EEF2: variants seen among roughly 807,000 people sequenced by gnomAD.
EEF2 encodes the protein elongation factor 2.
EEF2 carries 21 observed loss-of-function variants against 85.3 expected under a neutral mutation model. The ratio of observed to expected loss-of-function variants is 0.25; its 90% CI spans 0.17 to 0.35. EEF2 has a LOEUF of 0.35. EEF2 is among the 10% of genes least tolerant of loss of function. The pLI, the probability that EEF2 is intolerant of heterozygous loss-of-function variation, is 1.00. For synonymous variants in EEF2, 723 were observed against 508.8 expected, an observed-to-expected ratio of 1.42 and a Z score of -5.67; for missense variants, 825 against 1,225.3, an observed-to-expected ratio of 0.67 and a Z score of 4.88.
In EEF2 at chr19:3,982,978, A is replaced by G. The variant is rs1264862306; in HGVS notation, c.441T>C (p.Ile147=). The change falls in exon 4 of 15, where the codon ATT becomes ATC. Residue 147 remains isoleucine, a synonymous_variant. Coordinates refer to ENST00000309311, the MANE Select transcript of EEF2 (RefSeq NM_001961.4). ...TCAGCACAGGCTTGATGCGCTCGGC[A>G]ATGGCCTGCCGCAGCACTGTCTCCG... The part of the protein sequence containing the change: ...VQTETVLRQA[I]AERIKPVLMM... 6.2e-7 allele frequency: 1 copy of G among 1,612,656 alleles called. No individual in the cohort carries two copies. Among genetic ancestry groups the G allele is most frequent in the Middle Eastern group, 1.7e-4 (1 of 6,060 alleles).
In EEF2 at chr19:3,981,959, G is replaced by A. The variant is rs772524889; in HGVS notation, c.885C>T (p.Asp295=). 1.7e-5 allele frequency: 28 copies of A among 1,613,898 alleles called. 1 individual carries two copies. The highest frequency in any genetic ancestry group is 1.8e-5 in the Non-Finnish European group (21 of 1,179,940). ...LPRTFCQLIL[D]PIFKVFDAIM... ...AGCCCTCACTCACCTTGAAGATGGG[G>A]TCCAGGATCAGCTGGCAGAAGGTGC... The change falls in exon 6 of 15, where the codon GAC becomes GAT. Residue 295 remains aspartate (D), a synonymous_variant. Transcript: ENST00000309311.
chr19:3,983,386 A>G (rs2039779679), intron 2 of EEF2, 95 bp from the exon 3 acceptor site: 3 of 1,367,412 alleles, frequency 2.2e-6, no homozygotes, highest in Non-Finnish European at 2.0e-6. Context: ...TCCTCCCTCC[A>G]TGACTCATCC....
At position 3,980,636 on chromosome 19, in the gene EEF2, A is replaced by T; in HGVS notation, c.1224T>A (p.Gly408=). The change falls in exon 9 of 15, where the codon GGT becomes GGA. Residue 408 remains glycine (G), a synonymous_variant. Transcript: ENST00000309311. ...AGACTCGTCCAAAGGCGTAGAACCG[A>T]CCTTTGTCGGAGGTTGGCACCATTT... The part of the protein sequence containing the change: ...ISKMVPTSDK[G]RFYAFGRVFS... 1 of 1,614,102 alleles carries T rather than the reference A, an allele frequency of 6.2e-7. No individual in the cohort carries two copies. The highest frequency in any genetic ancestry group is 8.5e-7 in the Non-Finnish European group (1 of 1,180,020).
Position 3,977,560 on chromosome 19 carries a change from G to A in EEF2, c.2118C>T (p.Asp706=), listed in dbSNP as rs201245104. 4.6e-5 allele frequency: 72 copies of A among 1,572,774 alleles called. 2 individuals are homozygous for A. The highest frequency in any genetic ancestry group is 3.0e-4 in the African/African-American group (22 of 74,338). The change falls in exon 13 of 15, where the codon GAC becomes GAT. Residue 706 remains aspartate (D), a synonymous_variant. Coordinates refer to ENST00000309311, the MANE Select transcript of EEF2 (RefSeq NM_001961.4). The surrounding 1 kb of genome is among the most constrained non-coding windows in gnomAD (Gnocchi z 5.4). The stretch of plus-strand genomic sequence containing the variant: ...GGATGGCGTCGGCGTGCAGGGTGAC[G>A]TCGTGGACGTCGAAGCGCACACCCC... ...NMRGVRFDVH[D]VTLHADAIHR... is the part of the protein sequence containing the mutation.
rs1288346216 is a variant in EEF2, at chr19:3,981,374, C to T, written c.976G>A (p.Glu326Lys). Residue 326 changes from glutamate to lysine, a missense_variant, in exon 7 of 15, where the codon GAG becomes AAG. Glu to Lys is a moderately conservative substitution (Grantham distance 56). Transcript: ENST00000309311. ...GGTTTGCCTTCTTTGTCCTTGTCCT[C>T]GCTGTCCAGTTTGATGTCCAGTTTC... ...IEKLDIKLDS[E>K]DKDKEGKPLL... is the part of the protein sequence containing the mutation. 6.2e-7 allele frequency: 1 copy of T among 1,614,118 alleles called. No homozygotes were observed.
intron 10 of EEF2, 34 bp from the exon 11 acceptor site, chr19:3,979,470 G>A: frequency 6.3e-7 from 1 of 1,588,180 alleles, no homozygotes. Context: ...CAAAGGGGTA[G>A]GCGGCTCGGA....
rs1376984436 is a variant in EEF2, at chr19:3,976,644, G to A, written c.2487C>T (p.Ser829=). The stretch of plus-strand genomic sequence containing the variant: ...TCTCCGCCACCACCTGGCTGGGGCG[G>A]CTGCTGTTGTCGAAGGGGTCTCCGG... The part of the protein sequence containing the change: ...ILPGDPFDNS[S]RPSQVVAETR... The change falls in exon 15 of 15, where the codon AGC becomes AGT. Residue 829 remains serine (S), a synonymous_variant. Transcript: ENST00000309311. 6.2e-7 allele frequency: 1 copy of A among 1,609,940 alleles called. No homozygotes were observed. The highest frequency in any genetic ancestry group is 8.5e-7 in the Non-Finnish European group (1 of 1,178,726).
At chr19:3,982,452 CG>C in intron 4 of EEF2, 28 bp from the exon 5 acceptor site, 2 of 1,613,582 alleles carry the variant, frequency 1.2e-6, no homozygotes, top group Admixed American at 3.3e-5. Flanking sequence ...GAGAAGCAGC[CG>C]TGAGGGCCCC....
In EEF2 at chr19:3,977,179, G is replaced by C; in HGVS notation, c.2383+36C>G. On this transcript the variant is annotated intron_variant, in intron 14 of 14. Transcript: ENST00000309311. The surrounding 1 kb of genome is among the most constrained non-coding windows in gnomAD (Gnocchi z 5.4). ...GGGCTTCTGTCCCCCAAACCAGCCT[G>C]CCAGGCTCTGCAGGCCACACCGGGC... 1 of 1,602,932 alleles carries C rather than the reference G, an allele frequency of 6.2e-7. No individual in the cohort carries two copies. The highest frequency in any genetic ancestry group is 8.5e-7 in the Non-Finnish European group (1 of 1,173,116).
chr19:3,980,451 G>C, intron 9 of EEF2, 63 bp downstream of exon 9: 4 of 1,536,224 alleles, frequency 2.6e-6, no homozygotes, highest in Non-Finnish European at 2.6e-6. Flanking sequence ...AGGAGCCCAA[G>C]ACTTGGAGCA....
intron 2 of EEF2, 174 bp downstream of exon 2, chr19:3,983,962 C>A (rs2039788197): frequency 1.5e-6 from 1 of 686,070 alleles, no homozygotes; most frequent in East Asian, 2.8e-5. Flanking sequence ...TACCCCGAAT[C>A]CCTGTGCCTC....
Position 3,977,655 on chromosome 19 carries a change from G to A in EEF2, c.2068-45C>T. 2.7e-6 allele frequency: 4 copies of A among 1,479,108 alleles called. No individual in the cohort carries two copies. The highest frequency in any genetic ancestry group is 3.6e-6 in the Non-Finnish European group (4 of 1,120,786). 91.6% of individuals were successfully genotyped at this position (1,479,108 alleles called of 1,614,324 possible). The stretch of plus-strand genomic sequence containing the variant: ...ACCGTCAAGGGCCGGACACACCTCG[G>A]CTGCTTGCCCTCCACCTGCCAAGTC... On this transcript the variant is annotated intron_variant, in intron 12 of 14. Transcript: ENST00000309311. This position sits in a 1 kb window ranked among gnomAD's most constrained non-coding sequence, Gnocchi z 5.4.
intron 2 of EEF2, 116 bp from the exon 3 acceptor site, chr19:3,983,407 TCCCACAAGAGCCAACCCA>T (rs2039780040): frequency 1.7e-6 from 2 of 1,169,688 alleles, no homozygotes; most frequent in East Asian, 5.2e-5. Flanking sequence ...CTGGAGAGGC[TCCCACAAGAGCCAACCCA>T]CCCTTGTCCT....
chr19:3,980,147 G>A (rs2039727276), intron 9 of EEF2, 81 bp from the exon 10 acceptor site: 1 of 1,534,380 alleles, frequency 6.5e-7, no homozygotes, highest in African/African-American at 1.4e-5. Context: ...CCCTCCCGGA[G>A]TTGGTGGCCC....
rs200464725 is a variant in EEF2, at chr19:3,976,781, C to A, written c.2384-34G>T. ...GGAAGCGAGAGGCTCACTGGGCCAT[C>A]GAGAAGGTGGCAGGGCAGAAGGAAA... On this transcript the variant is annotated intron_variant, in intron 14 of 14. Transcript: ENST00000309311. The A allele has an allele frequency of 1.1e-4, 164 of 1,498,690 alleles. No homozygotes were observed. The African/African-American group carries it at 2.0e-3, about 18-fold the overall frequency. The allele number at this position is 1,498,690 out of a possible 1,614,324, so 92.8% of individuals were successfully genotyped here. A position where few individuals can be genotyped will look rare whatever the true frequency, so the allele number is the denominator to read the frequency against.
Position 3,979,386 on chromosome 19 carries a change from C to A in EEF2, c.1656G>T (p.Leu552=). The change falls in exon 11 of 15, where the codon CTG becomes CTT. Residue 552 remains leucine, a synonymous_variant. Coordinates refer to ENST00000309311, the MANE Select transcript of EEF2 (RefSeq NM_001961.4). ...GGTCCTTCAGGCAGATCTCCAGGTG[C>A]AGCTCGCCGGCGCCCGCGATGATAT... ...GEHIIAGAGE[L]HLEICLKDLE... The A allele has an allele frequency of 6.2e-7, 1 of 1,614,026 alleles. No individual in the cohort carries two copies. The highest frequency in any genetic ancestry group is 8.5e-7 in the Non-Finnish European group (1 of 1,180,034).
Position 3,979,398 on chromosome 19 carries a change from G to A in EEF2, c.1644C>T (p.Gly548=), listed in dbSNP as rs765869078. 2.4e-5 allele frequency: 39 copies of A among 1,613,772 alleles called. No homozygotes were observed. The highest frequency in any genetic ancestry group is 7.7e-5 in the South Asian group (7 of 91,084). ...IEESGEHIIA[G]AGELHLEICL... ...AGATCTCCAGGTGCAGCTCGCCGGC[G>A]CCCGCGATGATATGCTCTCCCGACT... The change falls in exon 11 of 15, where the codon GGC becomes GGT. Residue 548 remains glycine, a synonymous_variant. Coordinates refer to ENST00000309311, the MANE Select transcript of EEF2 (RefSeq NM_001961.4).
chr19:3,984,031 G>A (rs950702462), intron 2 of EEF2, 105 bp downstream of exon 2: 29 of 1,215,290 alleles, frequency 2.4e-5, no homozygotes, highest in Admixed American at 1.4e-4. Context: ...AGAAACCAGG[G>A]GAAAGAGACG....
Position 3,981,948 on chromosome 19 carries a change from T to G in EEF2, c.896A>C (p.Lys299Thr). The change falls in exon 6 of 15, where the codon AAG (lysine) becomes ACG (threonine). Residue 299 changes from lysine (K) to threonine (T), a missense_variant and splice_region_variant. Coordinates refer to ENST00000309311, the MANE Select transcript of EEF2 (RefSeq NM_001961.4). Reference protein sequence around the residue: ...FCQLILDPIFKVFDAIMNFKK... With the variant: ...FCQLILDPIFTVFDAIMNFKK... ...GTGCCTGGCGCAGCCCTCACTCACC[T>G]TGAAGATGGGGTCCAGGATCAGCTG... 6.2e-7 allele frequency: 1 copy of G among 1,613,736 alleles called. No homozygotes were observed. The highest frequency in any genetic ancestry group is 2.2e-5 in the East Asian group (1 of 44,886).
Sources: gnomAD v4.1 joint callset for allele counts on GRCh38, gnomAD v4.1.1 for gene constraint, Gnocchi (gnomAD v3.1) non-coding constraint, MANE v1.5 for transcripts, NCBI Gene and HGNC (gene_info 2026-07-23, HGNC 2026-07-21) for gene names.